Variants in SHISA6 observed in about 807,000 individuals in gnomAD.
The protein encoded by SHISA6 is protein shisa-6.
SHISA6 carries 22 observed loss-of-function variants against 47.9 expected under a neutral mutation model. That is an observed-to-expected ratio of 0.46 (90% CI 0.33 to 0.66). SHISA6 has a LOEUF of 0.66. Among genes scored for constraint, SHISA6 ranks in the 30% least tolerant of loss-of-function variants. SHISA6 has a pLI of 0.02. For missense variants in SHISA6, 680 were observed against 764.6 expected, an observed-to-expected ratio of 0.89 and a Z score of 1.30; for synonymous variants, 388 against 337.8, an observed-to-expected ratio of 1.15 and a Z score of -1.63.
chr17:11,245,751 G>T (rs73976913), intron 1 of SHISA6, among the ~76,000 whole-genome samples: 7 of 148,276 alleles, frequency 4.7e-5, no homozygotes, highest in African/African-American at 1.8e-4. Flanking sequence ...GGGCAGGGTG[G>T]GGGGGGTGGA....
In SHISA6 at chr17:11,241,881, G is replaced by C. The variant is rs1377571337; in HGVS notation, c.459G>C (p.Thr153=). 1.3e-6 allele frequency: 2 copies of C among 1,551,190 alleles called. No homozygotes were observed. Among genetic ancestry groups the C allele is most frequent in the African/African-American group, 1.4e-5 (1 of 73,190 alleles). ...ACCAGAGCCCGGTGTGGGTACAGACGCCCAGCACCAAGGTGGTGTCGCCGG... is the reference window on the plus strand; with the variant it reads ...ACCAGAGCCCGGTGTGGGTACAGACCCCCAGCACCAAGGTGGTGTCGCCGG... The part of the protein sequence containing the change: ...TNYQSPVWVQ[T]PSTKVVSPGP... Residue 153 remains threonine (T), a synonymous_variant, in exon 1 of 6, where the codon ACG becomes ACC. Coordinates refer to ENST00000441885, the MANE Select transcript of SHISA6 (RefSeq NM_207386.4). The surrounding 1 kb of genome is among the most constrained non-coding windows in gnomAD (Gnocchi z 5.5).
At chr17:11,369,850 T>C (rs1912573420) in intron 2 of SHISA6, among the ~76,000 whole-genome samples, 1 of 152,146 alleles carries the variant, frequency 6.6e-6, no homozygotes, top group South Asian at 2.1e-4. Context: ...AGAAAATAAA[T>C]GGCGCGCTGG....
intron 2 of SHISA6, among the ~76,000 whole-genome samples, chr17:11,363,877 A>T (rs1490722003): frequency 6.6e-6 from 1 of 152,126 alleles, no homozygotes; most frequent in Non-Finnish European, 1.5e-5. Context: ...CTTAATTTGC[A>T]TGTAATTAAA....
At chr17:11,551,848 T>C in intron 3 of SHISA6, 48 bp from the exon 4 acceptor site, 1 of 1,465,368 alleles carries the variant, frequency 6.8e-7, no homozygotes, top group South Asian at 1.2e-5. Context: ...GGAGAGATAG[T>C]GGAATGCCTG....
At chr17:11,543,052 T>C (rs555697392) in intron 3 of SHISA6, among the ~76,000 whole-genome samples, 104 of 152,312 alleles carry the variant, frequency 6.8e-4, no homozygotes, top group African/African-American at 2.4e-3. Flanking sequence ...ACAGTTCCAC[T>C]GGTAATAAAT....
At chr17:11,380,953 A>C (rs779643982) in intron 3 of SHISA6, among the ~76,000 whole-genome samples, 7 of 152,182 alleles carry the variant, frequency 4.6e-5, no homozygotes, top group Non-Finnish European at 8.8e-5. Context: ...TAATCAGAGA[A>C]GGAGAAAGAC....
chr17:11,525,659 A>AAAAAC (rs1567629379), intron 3 of SHISA6, among the ~76,000 whole-genome samples: 87 of 148,830 alleles, frequency 5.8e-4, no homozygotes, highest in African/African-American at 2.1e-3. Context: ...AAACAAAAAA[A>AAAAAC]AAAAAACGTG....
At chr17:11,393,276 C>T (rs2142257488) in intron 3 of SHISA6, among the ~76,000 whole-genome samples, 1 of 152,302 alleles carries the variant, frequency 6.6e-6, no homozygotes, top group South Asian at 2.1e-4. Context: ...ATCTTTCTCT[C>T]TCTCACTGCC....
chr17:11,547,942 T>TAGGA (rs1231889125), intron 3 of SHISA6, among the ~76,000 whole-genome samples: 3 of 152,180 alleles, frequency 2.0e-5, no homozygotes, highest in Non-Finnish European at 4.4e-5. Context: ...AAATTGCAAA[T>TAGGA]TGAATTTAGA....
chr17:11,249,618 G>A (rs1022365036), intron 1 of SHISA6, among the ~76,000 whole-genome samples: 7 of 152,198 alleles, frequency 4.6e-5, no homozygotes, highest in African/African-American at 1.7e-4. Flanking sequence ...CAGTCACCTT[G>A]GGAGGCCGCA....
intron 1 of SHISA6, among the ~76,000 whole-genome samples, chr17:11,251,235 G>T (rs1482413150): frequency 9.7e-6 from 1 of 103,390 alleles, no homozygotes; most frequent in East Asian, 3.1e-4. Flanking sequence ...AGACTGGGAA[G>T]ATAAGTGACC....
At chr17:11,307,143 C>CTTTTTTTTT (rs56109461) in intron 2 of SHISA6, among the ~76,000 whole-genome samples, 1 of 145,226 alleles carries the variant, frequency 6.9e-6, no homozygotes, top group Non-Finnish European at 1.5e-5. Context: ...TGTTTGTTTT[C>CTTTTTTTTT]TTTTTTTTTC....
chr17:11,496,686 C>A (rs1356703459), intron 3 of SHISA6, among the ~76,000 whole-genome samples: 2 of 151,292 alleles, frequency 1.3e-5, no homozygotes, highest in Non-Finnish European at 2.9e-5. Context: ...TTGCAGTGAG[C>A]CAAGATCGCG....
chr17:11,382,887 G>A (rs1913060565), intron 3 of SHISA6, among the ~76,000 whole-genome samples: 1 of 149,860 alleles, frequency 6.7e-6, no homozygotes, highest in Non-Finnish European at 1.5e-5. Flanking sequence ...GTGAAGATGG[G>A]AGTCTTCATT....
intron 1 of SHISA6, among the ~76,000 whole-genome samples, chr17:11,262,992 A>T (rs1055074484): frequency 2.6e-5 from 4 of 152,112 alleles, no homozygotes; most frequent in Non-Finnish European, 5.9e-5. Flanking sequence ...CTGCTGCTGA[A>T]TTTGAGGCCG....
chr17:11,261,144 G>A (rs1908219565), intron 1 of SHISA6, among the ~76,000 whole-genome samples: 1 of 152,096 alleles, frequency 6.6e-6, no homozygotes, highest in Admixed American at 6.5e-5. Flanking sequence ...GAGGGGGAGG[G>A]GGAGTAGGCA....
At chr17:11,548,952 TA>T (rs1206367188) in intron 3 of SHISA6, among the ~76,000 whole-genome samples, 27 of 152,358 alleles carry the variant, frequency 1.8e-4, no homozygotes, top group Admixed American at 1.6e-3. Context: ...AAAAACTAGA[TA>T]TTTTTATCTG....
At chr17:11,484,314 C>T (rs3111848) in intron 3 of SHISA6, among the ~76,000 whole-genome samples, 115,446 of 152,168 alleles carry the variant, frequency 0.76, 44,837 homozygotes, top group African/African-American at 0.94. Flanking sequence ...GCATCCACAT[C>T]AATGAGAACA....
chr17:11,391,146 A>G (rs1232783799), intron 3 of SHISA6, among the ~76,000 whole-genome samples: 1 of 152,182 alleles, frequency 6.6e-6, no homozygotes, highest in Admixed American at 6.5e-5. Flanking sequence ...ATGGAAATGC[A>G]GATGTGTGGG....
Sources: allele counts gnomAD v4.1 joint callset (sites outside exome capture counted in the v4.1 genomes callset), GRCh38; gene constraint gnomAD v4.1.1; non-coding constraint Gnocchi (gnomAD v3.1); transcripts MANE v1.5; gene names NCBI Gene and HGNC (gene_info 2026-07-23, HGNC 2026-07-21).